The following ELMO1 variants were observed in gnomAD, a reference collection of about 807,000 sequenced individuals.
The protein encoded by ELMO1 is engulfment and cell motility protein 1.
In ELMO1, 26 loss-of-function variants were observed where a neutral mutation model predicts 98.9. The ratio of observed to expected loss-of-function variants is 0.26; its 90% CI spans 0.19 to 0.36. The LOEUF (loss-of-function observed/expected upper bound fraction) is 0.36, where lower values mean the gene tolerates loss of function less well. Ranked by LOEUF, ELMO1 falls within the 10% of genes least tolerant of loss-of-function variation. ELMO1 has a pLI of 1.00. For missense variants in ELMO1, 627 were observed against 935.2 expected, an observed-to-expected ratio of 0.67 and a Z score of 4.30; for synonymous variants, 346 against 346.0, an observed-to-expected ratio of 1.00 and a Z score of 0.00.
intron 1 of ELMO1, among the ~76,000 whole-genome samples, chr7:37,384,036 C>G (rs929443167): frequency 6.6e-6 from 1 of 152,124 alleles, no homozygotes; most frequent in Non-Finnish European, 1.5e-5. Context: ...AGGATGGTCT[C>G]GATCTCCTGA....
At chr7:37,408,255 A>G (rs1803855150) in intron 1 of ELMO1, among the ~76,000 whole-genome samples, 1 of 152,238 alleles carries the variant, frequency 6.6e-6, no homozygotes, top group Non-Finnish European at 1.5e-5. Context: ...GTTACACAAT[A>G]GATATACATA....
At chr7:37,211,310 G>A (rs746969944) in intron 13 of ELMO1, 76 bp downstream of exon 13, 2 of 1,601,042 alleles carry the variant, frequency 1.2e-6, no homozygotes, top group African/African-American at 1.3e-5. Flanking sequence ...ACGCTCGGAA[G>A]AGACATCAGT....
At chr7:37,345,611 A>G (rs6966252) in intron 1 of ELMO1, among the ~76,000 whole-genome samples, 107,317 of 151,634 alleles carry the variant, frequency 0.71, 38,158 homozygotes, top group African/African-American at 0.76. Flanking sequence ...GGAGGCTGTG[A>G]CAAGAGAATC....
At chr7:37,235,873 T>C (rs950532251) in intron 7 of ELMO1, among the ~76,000 whole-genome samples, 22 of 152,186 alleles carry the variant, frequency 1.4e-4, no homozygotes, top group African/African-American at 4.6e-4. Flanking sequence ...TGAGCCAAGA[T>C]CGTGCCATTG....
intron 1 of ELMO1, among the ~76,000 whole-genome samples, chr7:37,414,438 A>G (rs1804126287): frequency 1.3e-5 from 2 of 152,354 alleles, no homozygotes; most frequent in Admixed American, 6.5e-5. Context: ...ATTAATCTAA[A>G]TTAAGCATAT....
At chr7:37,321,404 C>G (rs896740069) in intron 2 of ELMO1, among the ~76,000 whole-genome samples, 3 of 152,188 alleles carry the variant, frequency 2.0e-5, no homozygotes, top group Non-Finnish European at 4.4e-5. Context: ...GAATAATTTG[C>G]TTTTCATTTC....
chr7:37,020,541 A>G (rs1316782922), intron 15 of ELMO1, among the ~76,000 whole-genome samples: 1 of 152,206 alleles, frequency 6.6e-6, no homozygotes, highest in Non-Finnish European at 1.5e-5. Flanking sequence ...GACTAATGAT[A>G]GAATGATAAG....
At chr7:37,394,565 G>A (rs1803213423) in intron 1 of ELMO1, among the ~76,000 whole-genome samples, 2 of 152,190 alleles carry the variant, frequency 1.3e-5, no homozygotes, top group Admixed American at 1.3e-4. Flanking sequence ...GAAGCAAGGG[G>A]CATAAGCATA....
At chr7:37,084,170 G>A (rs572597927) in intron 15 of ELMO1, among the ~76,000 whole-genome samples, 14 of 152,296 alleles carry the variant, frequency 9.2e-5, no homozygotes, top group African/African-American at 2.9e-4. Flanking sequence ...AAATTACCCT[G>A]AGGAGGAGCG....
At chr7:37,185,525 C>G (rs530792034) in intron 13 of ELMO1, among the ~76,000 whole-genome samples, 2 of 152,242 alleles carry the variant, frequency 1.3e-5, no homozygotes, top group East Asian at 3.9e-4. Context: ...ACCCTAGATT[C>G]AAGCTTTTGT....
At chr7:36,874,170 C>A (rs1039800506) in intron 19 of ELMO1, among the ~76,000 whole-genome samples, 1 of 152,226 alleles carries the variant, frequency 6.6e-6, no homozygotes, top group Admixed American at 6.5e-5. Context: ...TCCTTGTCTG[C>A]AATTTGTAAC....
At chr7:37,392,484 C>G (rs1458405960) in intron 1 of ELMO1, among the ~76,000 whole-genome samples, 1 of 152,182 alleles carries the variant, frequency 6.6e-6, no homozygotes, top group Non-Finnish European at 1.5e-5. Flanking sequence ...AGCATGAGCA[C>G]GTCAGTCAGA....
At chr7:36,991,748 C>T (rs527433996) in intron 16 of ELMO1, among the ~76,000 whole-genome samples, 17 of 152,200 alleles carry the variant, frequency 1.1e-4, no homozygotes, top group Non-Finnish European at 2.1e-4. Context: ...GCTGAGCTCT[C>T]TGTGATAAGC....
intron 2 of ELMO1, among the ~76,000 whole-genome samples, chr7:37,320,282 GAA>G (rs145701267): frequency 2.1e-4 from 25 of 118,808 alleles, no homozygotes; most frequent in African/African-American, 6.6e-4. Flanking sequence ...TGTCTCAAAA[GAA>G]AAAAAAAAAA....
Position 36,899,932 on chromosome 7 carries a change from G to A in ELMO1, c.1438-4915C>T, listed in dbSNP as rs539232129. Among the ~76,000 whole-genome samples the A allele has an allele frequency of 2.0e-5, 3 of 152,036 alleles. No homozygotes were observed. The South Asian group carries it at 6.2e-4, about 31-fold the overall frequency. On this transcript the variant is annotated intron_variant, in intron 16 of 21. Coordinates refer to ENST00000310758, the MANE Select transcript of ELMO1 (RefSeq NM_014800.11). ...CTAATATACTGAATAGAACATATTA[G>A]ACACTCAACAAATGTCAGTTCTGTT...
chr7:37,121,701 T>C (rs1281682167), intron 14 of ELMO1, among the ~76,000 whole-genome samples: 1 of 152,200 alleles, frequency 6.6e-6, no homozygotes, highest in Non-Finnish European at 1.5e-5. Context: ...GAAAACACTC[T>C]ACAGGATATC....
At chr7:37,391,038 TCC>T (rs1803050348) in intron 1 of ELMO1, among the ~76,000 whole-genome samples, 1 of 149,420 alleles carries the variant, frequency 6.7e-6, no homozygotes, top group Non-Finnish European at 1.5e-5. Context: ...CTTCCTTCCT[TCC>T]TTCCTTCCTT....
chr7:37,261,479 T>C (rs1795972661), intron 5 of ELMO1, among the ~76,000 whole-genome samples: 1 of 152,220 alleles, frequency 6.6e-6, no homozygotes, highest in East Asian at 1.9e-4. Flanking sequence ...AAGTTTTGTG[T>C]TTAACAAGCC....
intron 14 of ELMO1, among the ~76,000 whole-genome samples, chr7:37,110,123 C>T (rs760671285): frequency 6.6e-6 from 1 of 152,228 alleles, no homozygotes; most frequent in Non-Finnish European, 1.5e-5. Context: ...TGATAAACAG[C>T]CTCAGTGTTG....
Sources: gnomAD v4.1 joint callset for allele counts (sites outside exome capture counted in the v4.1 genomes callset) on GRCh38, gnomAD v4.1.1 for gene constraint, MANE v1.5 for transcripts, NCBI Gene and HGNC (gene_info 2026-07-23, HGNC 2026-07-21) for gene names.